USP25: variants seen among roughly 807,000 people sequenced by gnomAD.
USP25 encodes the protein ubiquitin carboxyl-terminal hydrolase 25.
Under a neutral mutation model 158.5 loss-of-function variants are expected in USP25, and 85 were observed. The observed-to-expected ratio is 0.54, with a 90% confidence interval of 0.45 to 0.64. The LOEUF is 0.64. Ranked by LOEUF, USP25 falls within the 30% of genes least tolerant of loss-of-function variation. The pLI is 0.00. For missense variants in USP25, 1,242 were observed against 1,327.3 expected, an observed-to-expected ratio of 0.94 and a Z score of 1.00; for synonymous variants, 464 against 460.4, an observed-to-expected ratio of 1.01 and a Z score of -0.10.
chr21:15,798,310 T>C (rs1347324591), intron 5 of USP25, among the ~76,000 whole-genome samples: 1 of 151,362 alleles, frequency 6.6e-6, no homozygotes, highest in Admixed American at 6.6e-5. Flanking sequence ...GAGAGTCCCC[T>C]GACACAGCTA....
rs1312874011 is a variant in USP25 at position 15,824,184 on chromosome 21, G to A, written c.1208+18G>A. Reference sequence around the variant, plus strand: ...TTGGACAGGTATGGTTTGATATACTGCATGACTTAGTTTGAAACAGTTTAG... The same window carrying A: ...TTGGACAGGTATGGTTTGATATACTACATGACTTAGTTTGAAACAGTTTAG... On this transcript the variant is annotated intron_variant, in intron 11 of 25. Transcript: ENST00000400183. 2.5e-6 allele frequency: 4 copies of A among 1,608,200 alleles called. No individual in the cohort carries two copies. Among genetic ancestry groups the A allele is most frequent in the Non-Finnish European group, 3.4e-6 (4 of 1,179,120 alleles).
chr21:15,820,700 A>G (rs2037187619), intron 10 of USP25, among the ~76,000 whole-genome samples: 1 of 151,986 alleles, frequency 6.6e-6, no homozygotes, highest in Non-Finnish European at 1.5e-5. Flanking sequence ...GTATTCTTGA[A>G]TCTCTAAAAG....
At chr21:15,753,084 G>T (rs2033138961) in intron 1 of USP25, among the ~76,000 whole-genome samples, 3 of 152,174 alleles carry the variant, frequency 2.0e-5, no homozygotes, top group Admixed American at 2.0e-4. Context: ...TGCCTCTAGG[G>T]AAAGTGACAG....
chr21:15,861,801 A>G (rs898337747), intron 20 of USP25, among the ~76,000 whole-genome samples: 5 of 152,120 alleles, frequency 3.3e-5, no homozygotes, highest in Admixed American at 6.5e-5. Context: ...AATTGCATTT[A>G]TGGTGGTAAA....
chr21:15,856,814 A>G (rs182048141), intron 20 of USP25, among the ~76,000 whole-genome samples: 5 of 152,218 alleles, frequency 3.3e-5, no homozygotes, highest in Non-Finnish European at 2.9e-5. Flanking sequence ...TTTATTTTTC[A>G]TGTATATGTA....
At chr21:15,762,078 A>G (rs2033760219) in intron 1 of USP25, among the ~76,000 whole-genome samples, 1 of 151,438 alleles carries the variant, frequency 6.6e-6, no homozygotes, top group South Asian at 2.1e-4. Flanking sequence ...TTTATCATCC[A>G]TTGAAGATTC....
chr21:15,797,875 T>C (rs1209676367), intron 5 of USP25, among the ~76,000 whole-genome samples: 1 of 151,318 alleles, frequency 6.6e-6, no homozygotes, highest in African/African-American at 2.4e-5. Flanking sequence ...ATAACTTTTA[T>C]TACAGTATGT....
At chr21:15,796,268 G>T (rs1057218919) in intron 5 of USP25, among the ~76,000 whole-genome samples, 45 of 151,566 alleles carry the variant, frequency 3.0e-4, no homozygotes, top group African/African-American at 1.0e-3. Context: ...ATGATTTGTT[G>T]TGATAATCAA....
intron 1 of USP25, among the ~76,000 whole-genome samples, chr21:15,741,539 T>G (rs182361200): frequency 1.2e-4 from 19 of 152,230 alleles, no homozygotes; most frequent in African/African-American, 4.3e-4. Flanking sequence ...ATTTGGTGAA[T>G]ATGTGGTGTA....
intron 9 of USP25, 72 bp downstream of exon 9, chr21:15,811,282 C>G (rs2036649200): frequency 1.4e-6 from 2 of 1,382,386 alleles, no homozygotes; most frequent in Non-Finnish European, 2.0e-6. Flanking sequence ...TCGATAGTTA[C>G]TATTTTTTTA....
chr21:15,870,970 T>C (rs1203979242), intron 23 of USP25, among the ~76,000 whole-genome samples: 1 of 152,218 alleles, frequency 6.6e-6, no homozygotes, highest in Non-Finnish European at 1.5e-5. Context: ...AAAGTTCAGT[T>C]CATCGGTTAC....
intron 19 of USP25, among the ~76,000 whole-genome samples, chr21:15,848,553 G>A (rs1213993652): frequency 6.6e-6 from 1 of 152,056 alleles, no homozygotes; most frequent in Non-Finnish European, 1.5e-5. Context: ...AGTGGGGGAG[G>A]GGGGTGATTT....
chr21:15,816,998 G>T lies in USP25; in HGVS notation c.932-1700G>T, dbSNP rs1037230494. ...AATACAAAAATTAGTCGGGTGTGGT[G>T]GTGGGCGCCTGTAATCCCAGCTACT... On this transcript the variant is annotated intron_variant, in intron 9 of 25. Coordinates refer to ENST00000400183, the MANE Select transcript of USP25 (RefSeq NM_001283041.3). This position sits in a 1 kb window ranked among gnomAD's most constrained non-coding sequence, Gnocchi z 4.0. Among the ~76,000 whole-genome samples, 1 of 151,882 alleles carries T rather than the reference G, an allele frequency of 6.6e-6. No individual in the cohort carries two copies. The highest frequency in any genetic ancestry group is 1.5e-5 in the Non-Finnish European group (1 of 67,974).
chr21:15,784,689 T>C (rs1319039864), intron 4 of USP25, among the ~76,000 whole-genome samples: 2 of 152,188 alleles, frequency 1.3e-5, no homozygotes, highest in African/African-American at 4.8e-5. Context: ...AAGTTGTTAT[T>C]AGCTTAAAAT....
At chr21:15,823,998 G>C (rs1350379730) in intron 10 of USP25, 41 bp from the exon 11 acceptor site, 3 of 1,582,464 alleles carry the variant, frequency 1.9e-6, no homozygotes, top group Non-Finnish European at 2.6e-6. Context: ...AGAAAACAAA[G>C]GTGGTATTAA....
chr21:15,869,443 C>T (rs568626513), intron 22 of USP25, among the ~76,000 whole-genome samples: 1 of 152,052 alleles, frequency 6.6e-6, no homozygotes, highest in African/African-American at 2.4e-5. Context: ...AAAATCTTGA[C>T]TTTGGTATCA....
At chr21:15,861,175 A>G (rs1192228361) in intron 20 of USP25, among the ~76,000 whole-genome samples, 2 of 152,118 alleles carry the variant, frequency 1.3e-5, no homozygotes, top group Non-Finnish European at 2.9e-5. Flanking sequence ...TAGATGGGGA[A>G]TGAACAAGAA....
At chr21:15,856,824 A>T (rs955015418) in intron 20 of USP25, among the ~76,000 whole-genome samples, 1 of 152,096 alleles carries the variant, frequency 6.6e-6, no homozygotes, top group Non-Finnish European at 1.5e-5. Context: ...ATGTATATGT[A>T]ATTATTCATA....
rs759810775 is a variant in USP25 at position 15,842,503 on chromosome 21, A to G, written c.2300A>G (p.Glu767Gly). ...CAAATAATTACCAAGGCATCACATG[A>G]GCATGAAGATAAAAGTCCTGAAACA... is the stretch of plus-strand genomic sequence containing the variant. ...TIQIITKASH[E>G]HEDKSPETVL... Residue 767 changes from glutamate (E) to glycine (G), a missense_variant, in exon 18 of 26, where the codon GAG (glutamate) becomes GGG (glycine). Transcript: ENST00000400183. 6.2e-7 allele frequency: 1 copy of G among 1,613,732 alleles called. No individual in the cohort carries two copies. Among genetic ancestry groups the G allele is most frequent in the Non-Finnish European group, 8.5e-7 (1 of 1,179,726 alleles).
Sources: allele counts gnomAD v4.1 joint callset (sites outside exome capture counted in the v4.1 genomes callset), GRCh38; gene constraint gnomAD v4.1.1; non-coding constraint Gnocchi (gnomAD v3.1); transcripts MANE v1.5; gene names NCBI Gene and HGNC (gene_info 2026-07-23, HGNC 2026-07-21).